The following EPHA4 variants were observed in gnomAD, a reference collection of about 807,000 sequenced individuals.
EPHA4 encodes the protein ephrin type-A receptor 4.
In EPHA4, 19 loss-of-function variants were observed where a neutral mutation model predicts 108.3. The ratio of observed to expected loss-of-function variants is 0.18; its 90% CI spans 0.12 to 0.26. The LOEUF is 0.26. Ranked by LOEUF, EPHA4 falls within the 10% of genes least tolerant of loss-of-function variation. EPHA4 has a pLI of 1.00. For missense variants in EPHA4, 917 were observed against 1,254.0 expected, an observed-to-expected ratio of 0.73 and a Z score of 4.06; for synonymous variants, 449 against 455.5, an observed-to-expected ratio of 0.99 and a Z score of 0.18.
At chr2:221,537,272 G>T (rs1330287138) in intron 3 of EPHA4, among the ~76,000 whole-genome samples, 1 of 152,190 alleles carries the variant, frequency 6.6e-6, no homozygotes, top group African/African-American at 2.4e-5. Flanking sequence ...TATGTTCTCA[G>T]TGCTCCAAAT....
At chr2:221,470,336 G>A (rs1314378317) in intron 5 of EPHA4, among the ~76,000 whole-genome samples, 1 of 151,182 alleles carries the variant, frequency 6.6e-6, no homozygotes, top group East Asian at 2.0e-4. Context: ...AGAAAGGGCG[G>A]GGGGGAGAGA....
intron 11 of EPHA4, among the ~76,000 whole-genome samples, chr2:221,440,473 G>A (rs893949800): frequency 9.2e-5 from 14 of 152,270 alleles, no homozygotes; most frequent in African/African-American, 2.6e-4. Flanking sequence ...AGGGCTCTGG[G>A]CGGCCCTGAA....
At chr2:221,513,305 G>A (rs1247868600) in intron 3 of EPHA4, among the ~76,000 whole-genome samples, 1 of 152,196 alleles carries the variant, frequency 6.6e-6, no homozygotes, top group African/African-American at 2.4e-5. Context: ...CAGAGGCCTG[G>A]GAACGAATGA....
intron 3 of EPHA4, among the ~76,000 whole-genome samples, chr2:221,529,901 G>A (rs978053608): frequency 2.6e-5 from 4 of 152,122 alleles, no homozygotes; most frequent in Non-Finnish European, 5.9e-5. Context: ...AACAGAAAAA[G>A]GGCTCTCTTG....
intron 3 of EPHA4, among the ~76,000 whole-genome samples, chr2:221,522,261 A>T (rs1290302529): frequency 6.6e-6 from 1 of 152,184 alleles, no homozygotes; most frequent in African/African-American, 2.4e-5. Flanking sequence ...ACCCAAGAGA[A>T]AGCAGAATTT....
chr2:221,448,864 C>A (rs972126527), intron 8 of EPHA4, among the ~76,000 whole-genome samples: 1 of 152,134 alleles, frequency 6.6e-6, no homozygotes, highest in Non-Finnish European at 1.5e-5. Context: ...CTGGAATATA[C>A]CATAGAAACC....
intron 5 of EPHA4, among the ~76,000 whole-genome samples, chr2:221,467,146 A>T (rs1339093391): frequency 2.6e-5 from 4 of 152,176 alleles, no homozygotes; most frequent in Non-Finnish European, 5.9e-5. Flanking sequence ...AACAAAACAA[A>T]TTCAATTACC....
chr2:221,480,138 C>T (rs1386650356), intron 5 of EPHA4, among the ~76,000 whole-genome samples: 1 of 128,404 alleles, frequency 7.8e-6, no homozygotes, highest in Non-Finnish European at 1.6e-5. Flanking sequence ...GGACCTTTTG[C>T]CCCAGTAGGT....
chr2:221,508,384 G>A (rs1357059797), intron 3 of EPHA4, among the ~76,000 whole-genome samples: 1 of 152,100 alleles, frequency 6.6e-6, no homozygotes, highest in Non-Finnish European at 1.5e-5. Context: ...CTTGAGACCA[G>A]CCTCTCCAAC....
At chr2:221,520,761 G>A (rs775834017) in intron 3 of EPHA4, among the ~76,000 whole-genome samples, 1 of 152,036 alleles carries the variant, frequency 6.6e-6, no homozygotes, top group Non-Finnish European at 1.5e-5. Flanking sequence ...CTATGAGCTG[G>A]TGACGCTGAA....
Position 221,426,100 on chromosome 2 carries a change from AT to A in EPHA4, c.2888del (p.Asn963IlefsTer4). On this transcript the variant is annotated frameshift_variant, in exon 17 of 18. Transcript: ENST00000281821. LOFTEE classifies it high-confidence loss of function. ...TTGCCTGGACACTGCTCAAAATCTT[AT>A]TCTGGTGCGTGATGGCTGTGATACC... ...RIGITAITHQ[N>X]KILSSVQAMR... 1 of 1,614,086 alleles carries A rather than the reference AT, an allele frequency of 6.2e-7. No individual in the cohort carries two copies. Among genetic ancestry groups the A allele is most frequent in the Non-Finnish European group, 8.5e-7 (1 of 1,180,016 alleles).
chr2:221,454,197 A>G (rs1189203377), intron 8 of EPHA4, among the ~76,000 whole-genome samples: 1 of 151,942 alleles, frequency 6.6e-6, no homozygotes, highest in East Asian at 1.9e-4. Flanking sequence ...AAATTAATAA[A>G]TTAAATAAAT....
chr2:221,447,229 T>G (rs1265042814), intron 8 of EPHA4, among the ~76,000 whole-genome samples: 1 of 152,128 alleles, frequency 6.6e-6, no homozygotes, highest in Non-Finnish European at 1.5e-5. Context: ...AAGGTACAAT[T>G]TACACTGGAA....
intron 8 of EPHA4, among the ~76,000 whole-genome samples, chr2:221,447,845 A>ATTTATTT (rs1559244929): frequency 1.4e-5 from 2 of 139,174 alleles, no homozygotes; most frequent in East Asian, 2.1e-4. Context: ...TTATTTATTT[A>ATTTATTT]ATTTATTATT....
intron 3 of EPHA4, among the ~76,000 whole-genome samples, chr2:221,504,511 A>G (rs1461806182): frequency 6.7e-6 from 1 of 148,828 alleles, no homozygotes; most frequent in Admixed American, 6.8e-5. Flanking sequence ...CAATTTAATG[A>G]GCTGATTACA....
chr2:221,490,607 C>T (rs1193560236), intron 4 of EPHA4, among the ~76,000 whole-genome samples: 1 of 152,178 alleles, frequency 6.6e-6, no homozygotes, highest in Non-Finnish European at 1.5e-5. Flanking sequence ...GTTCCATTTC[C>T]TAAGGCTTCA....
intron 9 of EPHA4, 120 bp downstream of exon 9, chr2:221,446,003 G>T (rs1690582237): frequency 4.4e-6 from 2 of 459,524 alleles, no homozygotes; most frequent in Non-Finnish European, 7.0e-6. Context: ...ATTGGGATAA[G>T]GAATAAATAT....
chr2:221,444,968 G>A (rs1010659870), intron 9 of EPHA4, among the ~76,000 whole-genome samples: 2 of 151,906 alleles, frequency 1.3e-5, no homozygotes, highest in African/African-American at 4.8e-5. Flanking sequence ...ATGTTGGCTA[G>A]GCTGGTCTCG....
intron 3 of EPHA4, among the ~76,000 whole-genome samples, chr2:221,529,054 C>A (rs1053668108): frequency 6.6e-6 from 1 of 152,054 alleles, no homozygotes; most frequent in South Asian, 2.1e-4. Context: ...AAAACCACTC[C>A]AAGAGTACAT....
Sources: gnomAD v4.1 joint callset for allele counts (sites outside exome capture counted in the v4.1 genomes callset) on GRCh38, gnomAD v4.1.1 for gene constraint, MANE v1.5 for transcripts, NCBI Gene and HGNC (gene_info 2026-07-23, HGNC 2026-07-21) for gene names.